The following CDS2 variants were observed in gnomAD, a reference collection of about 807,000 sequenced individuals.
CDS2 encodes the protein phosphatidate cytidylyltransferase 2.
Under a neutral mutation model 59.0 loss-of-function variants are expected in CDS2, and 47 were observed. That is an observed-to-expected ratio of 0.80 (90% confidence interval 0.63 to 1.02). CDS2 has a LOEUF of 1.02. Ranked by LOEUF, CDS2 falls within the 50% of genes least tolerant of loss-of-function variation. CDS2 has a pLI of 0.00. For missense variants in CDS2, 356 were observed against 558.9 expected (o/e 0.64, Z 3.66); for synonymous variants, 207 against 206.4 (o/e 1.00, Z -0.02).
At chr20:5,150,294 A>G (rs2090778315) in intron 1 of CDS2, among the ~76,000 whole-genome samples, 1 of 152,228 alleles carries the variant, frequency 6.6e-6, no homozygotes, top group Non-Finnish European at 1.5e-5. Flanking sequence ...TATCAGAAGC[A>G]TTGGCCCTTG....
intron 11 of CDS2, 48 bp from the exon 12 acceptor site, chr20:5,189,687 G>GT: frequency 2.1e-6 from 3 of 1,421,880 alleles, no homozygotes; most frequent in Non-Finnish European, 3.0e-6. Context: ...GCTGGGATTG[G>GT]TTAGTGGCTG....
At chr20:5,156,555 G>A (rs940628508) in intron 1 of CDS2, among the ~76,000 whole-genome samples, 21 of 152,266 alleles carry the variant, frequency 1.4e-4, no homozygotes, top group African/African-American at 4.8e-4. Flanking sequence ...CATTTAGGAA[G>A]TGTGAGGAGG....
intron 1 of CDS2, among the ~76,000 whole-genome samples, chr20:5,155,894 G>A (rs1297933169): frequency 6.6e-6 from 1 of 152,178 alleles, no homozygotes; most frequent in Admixed American, 6.5e-5. Flanking sequence ...GGGGAGATGA[G>A]GGAAGGGTGA....
At chr20:5,153,637 AC>A (rs2122999143) in intron 1 of CDS2, among the ~76,000 whole-genome samples, 1 of 152,332 alleles carries the variant, frequency 6.6e-6, no homozygotes, top group East Asian at 1.9e-4. Context: ...TATAGCTTGT[AC>A]TGTTTGCTTT....
chr20:5,183,514 A>G (rs1253205399), intron 7 of CDS2, among the ~76,000 whole-genome samples: 3 of 152,222 alleles, frequency 2.0e-5, no homozygotes, highest in Admixed American at 2.0e-4. Context: ...AATATATACT[A>G]AAAGTCATGA....
intron 1 of CDS2, among the ~76,000 whole-genome samples, chr20:5,129,472 T>C (rs914352476): frequency 6.6e-6 from 1 of 151,412 alleles, no homozygotes; most frequent in Non-Finnish European, 1.5e-5. Flanking sequence ...AGAGGGAGTT[T>C]CGCTCTTTTG....
chr20:5,150,783 A>G (rs76935579), intron 1 of CDS2, among the ~76,000 whole-genome samples: 20 of 152,214 alleles, frequency 1.3e-4, no homozygotes, highest in African/African-American at 4.8e-4. Flanking sequence ...TGACTGTCCA[A>G]ACCCTCATTA....
Position 5,193,308 on chromosome 20 carries a change from A to G in CDS2, c.*3074A>G, listed in dbSNP as rs1384734836. The G allele has an allele frequency of 1.3e-5, 2 of 152,228 alleles. No individual in the cohort carries two copies. The highest frequency in any genetic ancestry group is 2.9e-5 in the Non-Finnish European group (2 of 68,048). The allele number at this position is 152,228 out of a possible 1,614,324, so 9.4% of individuals were successfully genotyped here. On this transcript the variant is annotated 3_prime_UTR_variant, in exon 13 of 13. Transcript: ENST00000460006. ...TACAGTATTTTGCATTTAAAATGTA[A>G]TTACTCTTAGTATTGTACAGCCCTA...
rs1600512666 is a variant in CDS2 at position 5,182,415 on chromosome 20, C to T, written c.558C>T (p.Val186=). ...IGFCMFVLSL[V]KKHYRLQFYM... ...TCTGCATGTTTGTACTGAGTCTGGT[C>T]AAGAAGCATTATCGACTGCAGTTCT... The change falls in exon 6 of 13, where the codon GTC becomes GTT. Residue 186 remains valine, a synonymous_variant. Coordinates refer to ENST00000460006, the MANE Select transcript of CDS2 (RefSeq NM_003818.4). 1 of 1,611,832 alleles carries T rather than the reference C, an allele frequency of 6.2e-7. No individual in the cohort carries two copies. The highest frequency in any genetic ancestry group is 8.5e-7 in the Non-Finnish European group (1 of 1,178,952).
At chr20:5,138,753 T>C (rs998627948) in intron 1 of CDS2, among the ~76,000 whole-genome samples, 2 of 151,834 alleles carry the variant, frequency 1.3e-5, no homozygotes, top group African/African-American at 4.8e-5. Context: ...CCCAAAATGC[T>C]GGGATTACCT....
At position 5,192,881 on chromosome 20, in the gene CDS2, T is replaced by C. The variant is rs1600523738; in HGVS notation, c.*2647T>C. On this transcript the variant is annotated 3_prime_UTR_variant, in exon 13 of 13. Coordinates refer to ENST00000460006, the MANE Select transcript of CDS2 (RefSeq NM_003818.4). ...AGGGAGCTTCCCCAGGATAGTGTGG[T>C]GGAGTCAGGACTCACTCCATCCTGC... The C allele has an allele frequency of 6.6e-6, 1 of 152,252 alleles. No homozygotes were observed. The highest frequency in any genetic ancestry group is 2.4e-5 in the African/African-American group (1 of 41,470). 9.4% of individuals were successfully genotyped at this position (152,252 alleles called of 1,614,324 possible). A position where few individuals can be genotyped will look rare whatever the true frequency, so the allele number is the denominator to read the frequency against.
chr20:5,133,651 C>T (rs1185865090), intron 1 of CDS2, among the ~76,000 whole-genome samples: 1 of 152,166 alleles, frequency 6.6e-6, no homozygotes, highest in Non-Finnish European at 1.5e-5. Flanking sequence ...CCTCAGCCTC[C>T]TGAGTAACTG....
chr20:5,145,040 A>G (rs764590317), intron 1 of CDS2, among the ~76,000 whole-genome samples: 1 of 152,084 alleles, frequency 6.6e-6, no homozygotes, highest in Non-Finnish European at 1.5e-5. Context: ...TTTGTGGAAG[A>G]GGAACAGGAT....
In CDS2 at chr20:5,173,231, G is replaced by T. The variant is rs535290690; in HGVS notation, c.58-292G>T. Among the ~76,000 whole-genome samples, 8 of 152,304 alleles carry T rather than the reference G, an allele frequency of 5.3e-5. No homozygotes were observed. The South Asian group carries it at 1.7e-3, about 32-fold the overall frequency. ...CCCAGCCTCCCTTTTGCATTCTTTGGATACAAAGGAGCCATGTTCTCTCTC... is the reference window on the plus strand; with the variant it reads ...CCCAGCCTCCCTTTTGCATTCTTTGTATACAAAGGAGCCATGTTCTCTCTC... On this transcript the variant is annotated intron_variant, in intron 1 of 12. Transcript: ENST00000460006.
Position 5,190,230 on chromosome 20 carries a change from A to T in CDS2, c.1334A>T (p.Glu445Val), listed in dbSNP as rs781575008. 1.9e-6 allele frequency: 3 copies of T among 1,613,342 alleles called. No homozygotes were observed. Among genetic ancestry groups the T allele is most frequent in the Non-Finnish European group, 2.5e-6 (3 of 1,179,630 alleles). ...ATGCTGACATCCACCACAGAGGACG[A>T]GTAGGGGCCACCCAGGGCCAGGAGA... ...KGMLTSTTED[E>V] Residue 445 changes from glutamate to valine, a missense_variant, in exon 13 of 13, where the codon GAG becomes GTG. Transcript: ENST00000460006.
intron 1 of CDS2, among the ~76,000 whole-genome samples, chr20:5,168,814 C>G (rs2090933354): frequency 6.6e-6 from 1 of 152,322 alleles, no homozygotes; most frequent in Middle Eastern, 3.4e-3. Flanking sequence ...CAAGGAACAT[C>G]CCCTCCTGCC....
At chr20:5,152,311 C>A (rs774916732) in intron 1 of CDS2, among the ~76,000 whole-genome samples, 1 of 151,932 alleles carries the variant, frequency 6.6e-6, no homozygotes, top group Non-Finnish European at 1.5e-5. Context: ...TTAAGGATTT[C>A]TTTTTTTGGC....
chr20:5,187,145 C>G (rs2091075901), intron 10 of CDS2: 1 of 313,518 alleles, frequency 3.2e-6, no homozygotes, highest in African/African-American at 2.1e-5. Context: ...CATAATTAGA[C>G]TATGACATTA....
chr20:5,161,958 G>A (rs890512913), intron 1 of CDS2, among the ~76,000 whole-genome samples: 2 of 152,188 alleles, frequency 1.3e-5, no homozygotes, highest in African/African-American at 4.8e-5. Flanking sequence ...TGAACTGCTT[G>A]TACCATCTTG....
Sources: gnomAD v4.1 joint callset for allele counts (sites outside exome capture counted in the v4.1 genomes callset) on GRCh38, gnomAD v4.1.1 for gene constraint, MANE v1.5 for transcripts, NCBI Gene and HGNC (gene_info 2026-07-23, HGNC 2026-07-21) for gene names.